FPGS: variants seen among roughly 807,000 people sequenced by gnomAD.
The protein encoded by FPGS is folylpolyglutamate synthase.
FPGS carries 53 observed loss-of-function variants against 66.5 expected under a neutral mutation model. The ratio of observed to expected loss-of-function variants is 0.80; its 90% CI spans 0.64 to 1.00. The LOEUF is 1.00. FPGS is among the 50% of genes least tolerant of loss of function. The probability of loss-of-function intolerance (pLI) is 0.00; values close to 1 mark genes in which losing one functional copy is unlikely to be tolerated. For synonymous variants in FPGS, 348 were observed against 350.9 expected (o/e 0.99, Z 0.09); for missense variants, 702 against 807.7 (o/e 0.87, Z 1.59).
At chr9:127,811,666 A>G (rs1238191154) in intron 14 of FPGS, among the ~76,000 whole-genome samples, 1 of 152,036 alleles carries the variant, frequency 6.6e-6, no homozygotes, top group Non-Finnish European at 1.5e-5. Context: ...TTATATTTTT[A>G]GTAGAGACAG....
chr9:127,803,841 G>A (rs1276943331), intron 1 of FPGS, among the ~76,000 whole-genome samples: 6 of 152,170 alleles, frequency 3.9e-5, no homozygotes, highest in African/African-American at 1.4e-4. Context: ...GGGTTGGAAT[G>A]TGGAACCCCA....
chr9:127,806,328 T>A (rs1418129795), intron 4 of FPGS, among the ~76,000 whole-genome samples: 1 of 151,788 alleles, frequency 6.6e-6, no homozygotes, highest in Non-Finnish European at 1.5e-5. Flanking sequence ...TAACATGGCG[T>A]AACCCTGTCT....
Position 127,802,893 on chromosome 9 carries a change from G to C in FPGS, c.-32G>C, listed in dbSNP as rs904247682. 7.7e-7 allele frequency: 1 copy of C among 1,299,296 alleles called. No individual in the cohort carries two copies. The highest frequency in any genetic ancestry group is 9.7e-7 in the Non-Finnish European group (1 of 1,026,828). 80.5% of individuals were successfully genotyped at this position (1,299,296 alleles called of 1,614,324 possible). On this transcript the variant is annotated 5_prime_UTR_variant, in exon 1 of 15. Coordinates refer to ENST00000373247, the MANE Select transcript of FPGS (RefSeq NM_004957.6). ...GGGCGGGGCGGGGCGTCTCCCGCCC[G>C]GGCCTAGAGCGCTGCCGGGGGCGCC... is the stretch of plus-strand genomic sequence containing the variant.
intron 1 of FPGS, chr9:127,803,447 G>C (rs1829687954): frequency 7.0e-6 from 7 of 999,290 alleles, no homozygotes; most frequent in Non-Finnish European, 8.4e-6. Context: ...AGATCCAGGA[G>C]TATTGATCTG....
Position 127,804,397 on chromosome 9 carries a change from C to T in FPGS, c.251C>T (p.Ala84Val). The change falls in exon 2 of 15, where the codon GCA becomes GTA. Residue 84 changes from alanine (A) to valine (V), a missense_variant. By Grantham distance (64) the Ala-to-Val change is moderately conservative (BLOSUM62 0). Transcript: ENST00000373247. ...TQLEAMELYL[A>V]RSGLQVEDLD... ...TTGGAAGCCATGGAACTGTACCTGG[C>T]ACGGAGTGGGCTGCAGGTAAGGTAG... The T allele has an allele frequency of 6.2e-7, 1 of 1,614,196 alleles. No homozygotes were observed. The highest frequency in any genetic ancestry group is 8.5e-7 in the Non-Finnish European group (1 of 1,180,020).
rs1829928605 is a variant in FPGS at position 127,808,645 on chromosome 9, T to G, written c.910T>G (p.Ser304Ala). The G allele has an allele frequency of 6.2e-7, 1 of 1,608,692 alleles. No homozygotes were observed. Among genetic ancestry groups the G allele is most frequent in the African/African-American group, 1.3e-5 (1 of 74,822 alleles). Residue 304 changes from serine to alanine, a missense_variant, in exon 10 of 15, where the codon TCC (serine) becomes GCC (alanine). Ser to Ala is a moderately conservative substitution (Grantham distance 99, BLOSUM62 1). Transcript: ENST00000373247. The stretch of plus-strand genomic sequence containing the variant: ...GGGCCTGGAGGGGGAGCACCAGCGG[T>G]CCAACGCCGCCTTGGCCTTGCAGCT... ...TLGLEGEHQR[S>A]NAALALQLAH...
At chr9:127,804,833 T>A in intron 4 of FPGS, 133 bp downstream of exon 4, 1 of 810,892 alleles carries the variant, frequency 1.2e-6, no homozygotes, top group Non-Finnish European at 2.1e-6. Flanking sequence ...TGTTTATTCA[T>A]TCAATAAACA....
intron 9 of FPGS, 63 bp downstream of exon 9, chr9:127,808,374 A>G: frequency 6.6e-7 from 1 of 1,514,122 alleles, no homozygotes; most frequent in Non-Finnish European, 9.2e-7. Flanking sequence ...TTGAGGAGGC[A>G]CTGCATCCTC....
intron 9 of FPGS, 79 bp downstream of exon 9, chr9:127,808,390 C>T: frequency 4.7e-6 from 7 of 1,479,506 alleles, no homozygotes; most frequent in Non-Finnish European, 6.6e-6. Flanking sequence ...TCCTCTGGGG[C>T]CTCAGTTTGC....
chr9:127,807,585 G>A lies in FPGS; in HGVS notation c.642-1G>A, dbSNP rs1829869177. On this transcript the variant is annotated splice_acceptor_variant, in intron 7 of 14. Transcript: ENST00000373247. LOFTEE classifies it high-confidence loss of function. This position sits in a 1 kb window ranked among gnomAD's most constrained non-coding sequence, Gnocchi z 5.8. ...CCTCATGGCCTTTTCCTCCCCTGCA[G>A]GAAGCCTGTGGTGTGCGGAGTCTCC... 1 of 1,613,448 alleles carries A rather than the reference G, an allele frequency of 6.2e-7. No homozygotes were observed. Among genetic ancestry groups the A allele is most frequent in the Non-Finnish European group, 8.5e-7 (1 of 1,179,742 alleles).
intron 13 of FPGS, 30 bp downstream of exon 13, chr9:127,810,136 GGC>G (rs1830011746): frequency 1.9e-5 from 30 of 1,603,940 alleles, no homozygotes; most frequent in Non-Finnish European, 2.6e-5. Flanking sequence ...GTGGGCGGCA[GGC>G]AGTCCTGAAG....
At chr9:127,806,719 G>A (rs555785063) in intron 4 of FPGS, 30 of 521,116 alleles carry the variant, frequency 5.8e-5, no homozygotes, top group African/African-American at 5.5e-4. Context: ...GAATGTGCAA[G>A]ACCAGCCTGG....
chr9:127,811,888 G>T (rs531554977), intron 14 of FPGS, among the ~76,000 whole-genome samples: 2 of 152,122 alleles, frequency 1.3e-5, no homozygotes, highest in Admixed American at 6.6e-5. Flanking sequence ...TCTGTTCCAG[G>T]CATATGTATA....
rs1051567652 is a variant in FPGS at position 127,802,923 on chromosome 9, C to G, written c.-2C>G. ...TAGAGCGCTGCCGGGGGCGCCGGGA[C>G]TATGTCGCGGGCGCGGAGCCACCTG... is the stretch of plus-strand genomic sequence containing the variant. On this transcript the variant is annotated 5_prime_UTR_variant, in exon 1 of 15. Coordinates refer to ENST00000373247, the MANE Select transcript of FPGS (RefSeq NM_004957.6). 4.3e-6 allele frequency: 6 copies of G among 1,383,338 alleles called. No homozygotes were observed. In the African/African-American group the frequency reaches 9.2e-5, roughly 21 times the overall value. The allele number at this position is 1,383,338 out of a possible 1,614,324, so 85.7% of individuals were successfully genotyped here. A position where few individuals can be genotyped will look rare whatever the true frequency, so the allele number is the denominator to read the frequency against.
chr9:127,808,624 C>T lies in FPGS; in HGVS notation c.889C>T (p.Leu297=). 1 of 1,611,918 alleles carries T rather than the reference C, an allele frequency of 6.2e-7. No individual in the cohort carries two copies. The change falls in exon 10 of 15, where the codon CTG becomes TTG. Residue 297 remains leucine (L), a synonymous_variant. Transcript: ENST00000373247. ...EEGGPPLTLG[L]EGEHQRSNAA... Reference sequence around the variant, plus strand: ...AGGGGGGCCGCCGCTGACCCTGGGCCTGGAGGGGGAGCACCAGCGGTCCAA... The same window carrying T: ...AGGGGGGCCGCCGCTGACCCTGGGCTTGGAGGGGGAGCACCAGCGGTCCAA...
rs1830211846 is a variant in FPGS, at chr9:127,814,049, G to GT, written c.*451dup. Reference sequence around the variant, plus strand: ...GTGGCTGGAGTGAATTAAAGCCTTTGTTTTTTAAAGAAATGGCAAAGCCTT... The same window carrying GT: ...GTGGCTGGAGTGAATTAAAGCCTTTGTTTTTTTAAAGAAATGGCAAAGCCTT... On this transcript the variant is annotated 3_prime_UTR_variant, in exon 15 of 15. Transcript: ENST00000373247. 5.0e-6 allele frequency: 5 copies of GT among 996,012 alleles called. No homozygotes were observed. The highest frequency in any genetic ancestry group is 4.7e-5 in the South Asian group (1 of 21,392). 61.7% of individuals were successfully genotyped at this position (996,012 alleles called of 1,614,324 possible). A position where few individuals can be genotyped will look rare whatever the true frequency, so the allele number is the denominator to read the frequency against.
In FPGS at chr9:127,807,457, G is replaced by T. The variant is rs1299668271; in HGVS notation, c.616G>T (p.Ala206Ser). The change falls in exon 7 of 15, where the codon GCT becomes TCT. Residue 206 changes from alanine (A) to serine (S), a missense_variant. Ala to Ser is a moderately conservative substitution (Grantham distance 99). Coordinates refer to ENST00000373247, the MANE Select transcript of FPGS (RefSeq NM_004957.6). This position sits in a 1 kb window ranked among gnomAD's most constrained non-coding sequence, Gnocchi z 5.8. ...LAVVEVGIGG[A>S]YDCTNIIRKP... The stretch of plus-strand genomic sequence containing the variant: ...AGTGGTGGAGGTGGGCATTGGCGGG[G>T]CTTATGACTGCACCAACATCATCAG... 6.2e-7 allele frequency: 1 copy of T among 1,614,016 alleles called. No homozygotes were observed. Among genetic ancestry groups the T allele is most frequent in the Non-Finnish European group, 8.5e-7 (1 of 1,180,018 alleles).
intron 11 of FPGS, among the ~76,000 whole-genome samples, chr9:127,809,157 G>A (rs1473266089): frequency 1.3e-5 from 2 of 152,084 alleles, no homozygotes; most frequent in Non-Finnish European, 2.9e-5. Context: ...ACATCACTAA[G>A]GTGCTGAGTG....
At chr9:127,804,585 T>C in intron 3 of FPGS, 33 bp downstream of exon 3, 1 of 1,614,130 alleles carries the variant, frequency 6.2e-7, no homozygotes, top group Non-Finnish European at 8.5e-7. Context: ...AGGGGGTCTA[T>C]TAAGTGGCTG....
Sources: allele counts gnomAD v4.1 joint callset (sites outside exome capture counted in the v4.1 genomes callset), GRCh38; gene constraint gnomAD v4.1.1; non-coding constraint Gnocchi (gnomAD v3.1); transcripts MANE v1.5; gene names NCBI Gene and HGNC (gene_info 2026-07-23, HGNC 2026-07-21).